MB21D2: variants seen among roughly 807,000 people sequenced by gnomAD.
MB21D2 encodes the protein nucleotidyltransferase MB21D2.
A neutral mutation model predicts 33.3 loss-of-function variants in MB21D2; 9 were observed. That is an observed-to-expected ratio of 0.27 (90% CI 0.16 to 0.47). The LOEUF (loss-of-function observed/expected upper bound fraction) is 0.47, where lower values mean the gene tolerates loss of function less well. Among genes scored for constraint, MB21D2 ranks in the 20% least tolerant of loss-of-function variants. The probability of loss-of-function intolerance (pLI) is 0.99; values close to 1 mark genes in which losing one functional copy is unlikely to be tolerated. For missense variants in MB21D2, 540 were observed against 624.6 expected, an observed-to-expected ratio of 0.86 and a Z score of 1.44; for synonymous variants, 241 against 236.3, an observed-to-expected ratio of 1.02 and a Z score of -0.18.
At chr3:192,906,233 G>A (rs1368017434) in intron 1 of MB21D2, among the ~76,000 whole-genome samples, 1 of 152,130 alleles carries the variant, frequency 6.6e-6, no homozygotes, top group Non-Finnish European at 1.5e-5. Flanking sequence ...TTGAGGACTT[G>A]TAATCCAACT....
intron 1 of MB21D2, among the ~76,000 whole-genome samples, chr3:192,899,530 T>C (rs966877632): frequency 2.0e-5 from 3 of 151,600 alleles, no homozygotes; most frequent in Non-Finnish European, 4.4e-5. Flanking sequence ...CTCTCAAAAA[T>C]AAATAAATAA....
intron 1 of MB21D2, among the ~76,000 whole-genome samples, chr3:192,873,750 TGGA>T (rs1425069941): frequency 6.6e-6 from 1 of 152,186 alleles, no homozygotes; most frequent in Non-Finnish European, 1.5e-5. Flanking sequence ...GTCAACAGGC[TGGA>T]GTACAGTGGG....
intron 1 of MB21D2, among the ~76,000 whole-genome samples, chr3:192,915,910 G>A (rs1714453078): frequency 6.6e-6 from 1 of 151,830 alleles, no homozygotes. Context: ...ACTGATCTGG[G>A]GGCTGTATTA....
rs140903907 is a variant in MB21D2, at chr3:192,848,572, T to C, written c.212-48922A>G. ...ACAAAGATAAATTGGGATTGTATAA[T>C]AGACCCACTATTTCGCAGACTAACA... On this transcript the variant is annotated intron_variant, in intron 1 of 1. Coordinates refer to ENST00000392452, the MANE Select transcript of MB21D2 (RefSeq NM_178496.4). 6.0e-3 allele frequency among the ~76,000 whole-genome samples: 914 copies of C among 152,348 alleles called. 13 individuals are homozygous for C. The highest frequency in any genetic ancestry group is 7.2e-3 in the South Asian group (35 of 4,830).
rs1286807175 is a variant in MB21D2 at position 192,799,021 on chromosome 3, C to A, written c.841G>T (p.Gly281Cys). The A allele has an allele frequency of 6.2e-7, 1 of 1,613,964 alleles. No homozygotes were observed. Among genetic ancestry groups the A allele is most frequent in the Non-Finnish European group, 8.5e-7 (1 of 1,180,026 alleles). Residue 281 changes from glycine (G) to cysteine (C), a missense_variant, in exon 2 of 2, where the codon GGT becomes TGT. Transcript: ENST00000392452. This position sits in a 1 kb window ranked among gnomAD's most constrained non-coding sequence, Gnocchi z 4.1. The part of the protein sequence containing the change: ...FYLVPACSYK[G>C]KKDNEWRLSF... ...AGCCGCCATTCATTGTCCTTCTTACCCTTGTAGGAGCAAGCAGGCACCAAG... is the reference window on the plus strand; with the variant it reads ...AGCCGCCATTCATTGTCCTTCTTACACTTGTAGGAGCAAGCAGGCACCAAG...
chr3:192,901,088 G>A (rs1400840775), intron 1 of MB21D2, among the ~76,000 whole-genome samples: 2 of 152,136 alleles, frequency 1.3e-5, no homozygotes, highest in African/African-American at 4.8e-5. Flanking sequence ...CAGGTGAACG[G>A]CCCGAGATGG....
chr3:192,836,396 G>A (rs1420574025), intron 1 of MB21D2, among the ~76,000 whole-genome samples: 1 of 152,142 alleles, frequency 6.6e-6, no homozygotes, highest in Non-Finnish European at 1.5e-5. Context: ...AAATTCTTAT[G>A]TTGAAGCCCT....
At chr3:192,842,192 G>A (rs1187079180) in intron 1 of MB21D2, among the ~76,000 whole-genome samples, 1 of 152,234 alleles carries the variant, frequency 6.6e-6, no homozygotes, top group African/African-American at 2.4e-5. Context: ...GCTGAACTGG[G>A]GCACAGCTGA....
Position 192,917,825 on chromosome 3 carries a change from G to A in MB21D2, c.16C>T (p.Pro6Ser). Reference protein sequence around the residue: MKMAAPTANKAASLGC... With the variant: MKMAASTANKAASLGC... Reference sequence around the variant, plus strand: ...AGGGAGGCTGCCTTGTTGGCGGTGGGAGCCGCCATCTTCATGCAAAACGCG... The same window carrying A: ...AGGGAGGCTGCCTTGTTGGCGGTGGAAGCCGCCATCTTCATGCAAAACGCG... Residue 6 changes from proline to serine, a missense_variant, in exon 1 of 2, where the codon CCC (proline) becomes TCC (serine). Pro to Ser is a moderately conservative substitution (Grantham distance 74). Transcript: ENST00000392452. 1.2e-6 allele frequency: 2 copies of A among 1,609,152 alleles called. No homozygotes were observed. Among genetic ancestry groups the A allele is most frequent in the South Asian group, 1.1e-5 (1 of 90,848 alleles).
intron 1 of MB21D2, among the ~76,000 whole-genome samples, chr3:192,875,015 T>TAAA (rs56300027): frequency 0.16 from 23,117 of 148,900 alleles, 2,255 homozygotes; most frequent in African/African-American, 0.28. Context: ...CTGTCCCTAT[T>TAAA]AAAAAAAAAA....
chr3:192,815,024 T>G, intron 1 of MB21D2, among the ~76,000 whole-genome samples: 1 of 151,994 alleles, frequency 6.6e-6, no homozygotes, highest in Non-Finnish European at 1.5e-5. Context: ...TCAAACATTC[T>G]AGCCAGAAAT....
At chr3:192,811,372 G>A (rs1321365618) in intron 1 of MB21D2, among the ~76,000 whole-genome samples, 1 of 152,118 alleles carries the variant, frequency 6.6e-6, no homozygotes, top group Non-Finnish European at 1.5e-5. Flanking sequence ...GTGGGTGGGG[G>A]GTGTAAAGCA....
At chr3:192,834,809 CT>C (rs71177378) in intron 1 of MB21D2, among the ~76,000 whole-genome samples, 637 of 119,828 alleles carry the variant, frequency 5.3e-3, no homozygotes, top group Non-Finnish European at 6.9e-3. Flanking sequence ...GAGGATTGTT[CT>C]TTTTTTTTTT....
intron 1 of MB21D2, among the ~76,000 whole-genome samples, chr3:192,830,039 C>CT (rs1712278756): frequency 6.6e-6 from 1 of 152,126 alleles, no homozygotes; most frequent in African/African-American, 2.4e-5. Context: ...ATTTTTTGTG[C>CT]TTTTTATTTT....
intron 1 of MB21D2, among the ~76,000 whole-genome samples, chr3:192,873,422 C>T (rs1459918559): frequency 6.6e-6 from 1 of 152,154 alleles, no homozygotes; most frequent in African/African-American, 2.4e-5. Flanking sequence ...CTCAGGACCG[C>T]AAGTAACCAG....
At chr3:192,863,747 A>G (rs1713103748) in intron 1 of MB21D2, among the ~76,000 whole-genome samples, 1 of 152,158 alleles carries the variant, frequency 6.6e-6, no homozygotes, top group African/African-American at 2.4e-5. Context: ...CAGAGCCCTC[A>G]TGAATGGGAT....
intron 1 of MB21D2, among the ~76,000 whole-genome samples, chr3:192,829,731 T>A (rs1712271502): frequency 6.6e-6 from 1 of 152,234 alleles, no homozygotes; most frequent in Admixed American, 6.5e-5. Flanking sequence ...ATGTATGGTG[T>A]ATCTATAAAT....
chr3:192,902,768 C>T (rs1025184984), intron 1 of MB21D2, among the ~76,000 whole-genome samples: 3 of 152,200 alleles, frequency 2.0e-5, no homozygotes, highest in Non-Finnish European at 2.9e-5. Context: ...TCTTTCAGAT[C>T]CTGAGGAGGT....
chr3:192,810,189 C>T (rs763860124), intron 1 of MB21D2, among the ~76,000 whole-genome samples: 7 of 152,128 alleles, frequency 4.6e-5, no homozygotes, highest in African/African-American at 1.7e-4. Context: ...AAACCCTTAT[C>T]GGGTACACTG....
Sources: gnomAD v4.1 joint callset for allele counts (sites outside exome capture counted in the v4.1 genomes callset) on GRCh38, gnomAD v4.1.1 for gene constraint, Gnocchi (gnomAD v3.1) non-coding constraint, MANE v1.5 for transcripts, NCBI Gene and HGNC (gene_info 2026-07-23, HGNC 2026-07-21) for gene names.